Variants in C9orf153 observed in about 807,000 individuals in gnomAD.
The protein encoded by C9orf153 is chromosome 9 open reading frame 153, also known as uncharacterized protein C9orf153.
C9orf153 carries 10 observed loss-of-function variants against 9.0 expected under a neutral mutation model. The observed-to-expected ratio is 1.11, with a 90% CI of 0.69 to 1.89. The LOEUF (loss-of-function observed/expected upper bound fraction) is 1.89, where lower values mean the gene tolerates loss of function less well. Among genes scored for constraint, C9orf153 ranks in the 40% most tolerant of loss-of-function variants. The probability of loss-of-function intolerance (pLI) is 0.00; values close to 1 mark genes in which losing one functional copy is unlikely to be tolerated. For missense variants in C9orf153, 108 were observed against 111.0 expected, an observed-to-expected ratio of 0.97 and a Z score of 0.12; for synonymous variants, 35 against 37.3, an observed-to-expected ratio of 0.94 and a Z score of 0.23.
Position 86,221,475 on chromosome 9 carries a change from G to T in C9orf153, c.*213C>A, listed in dbSNP as rs536832404. The T allele has an allele frequency of 4.0e-6, 5 of 1,250,208 alleles. No individual in the cohort carries two copies. The African/African-American group carries it at 4.7e-5, about 12-fold the overall frequency. The allele number at this position is 1,250,208 out of a possible 1,614,324, so 77.4% of individuals were successfully genotyped here. The stretch of plus-strand genomic sequence containing the variant: ...AATGCTCTCAAAAGCAAAAATCTAC[G>T]TCCAAAATATTTTAATACACTACAT... On this transcript the variant is annotated 3_prime_UTR_variant, in exon 4 of 4. Transcript: ENST00000339137.
At chr9:86,231,356 C>A (rs1824463800) in intron 1 of C9orf153, among the ~76,000 whole-genome samples, 2 of 152,148 alleles carry the variant, frequency 1.3e-5, no homozygotes, top group South Asian at 4.1e-4. Context: ...CCAGTGAAAC[C>A]CTTATTGGTA....
At chr9:86,224,599 T>C (rs1824277150) in intron 3 of C9orf153, among the ~76,000 whole-genome samples, 1 of 152,008 alleles carries the variant, frequency 6.6e-6, no homozygotes, top group Admixed American at 6.6e-5. Context: ...TCGATCACTA[T>C]ATAACACTAT....
chr9:86,227,548 G>A (rs1315459730), intron 3 of C9orf153: 3 of 1,357,662 alleles, frequency 2.2e-6, no homozygotes, highest in South Asian at 2.5e-5. Flanking sequence ...AATTACCTGG[G>A]TCAACTAAGA....
chr9:86,240,851 G>C (rs1452225264), intron 1 of C9orf153, among the ~76,000 whole-genome samples: 1 of 150,872 alleles, frequency 6.6e-6, no homozygotes, highest in Non-Finnish European at 1.5e-5. Flanking sequence ...TAGGACTATA[G>C]ATGTGCACCG....
chr9:86,248,224 C>T (rs1824911010), intron 1 of C9orf153, among the ~76,000 whole-genome samples: 1 of 150,908 alleles, frequency 6.6e-6, no homozygotes, highest in Non-Finnish European at 1.5e-5. Context: ...ACCTCCACCT[C>T]TTGGGTTCAA....
At chr9:86,236,939 T>TAA (rs57214746) in intron 1 of C9orf153, among the ~76,000 whole-genome samples, 13 of 79,976 alleles carry the variant, frequency 1.6e-4, no homozygotes, top group African/African-American at 2.4e-4. Flanking sequence ...CGTCTCTAAA[T>TAA]AAAAAAAAAA....
At chr9:86,225,849 G>T (rs1824318966) in intron 3 of C9orf153, among the ~76,000 whole-genome samples, 1 of 152,178 alleles carries the variant, frequency 6.6e-6, no homozygotes, top group South Asian at 2.1e-4. Context: ...AGGAAATGAA[G>T]ATATGGAGGC....
At chr9:86,231,598 GATAT>G (rs148600227) in intron 1 of C9orf153, among the ~76,000 whole-genome samples, 2 of 140,898 alleles carry the variant, frequency 1.4e-5, no homozygotes, top group South Asian at 2.2e-4. Flanking sequence ...CACAAACATG[GATAT>G]ATATATATAT....
rs571126491 is a variant in C9orf153 at position 86,229,366 on chromosome 9, C to T, written c.66+172G>A. Among the ~76,000 whole-genome samples, 65 of 152,276 alleles carry T rather than the reference C, an allele frequency of 4.3e-4. No individual in the cohort carries two copies. Among genetic ancestry groups the T allele is most frequent in the African/African-American group, 1.5e-3 (63 of 41,554 alleles). On this transcript the variant is annotated intron_variant, in intron 2 of 3. Coordinates refer to ENST00000339137, the MANE Select transcript of C9orf153 (RefSeq NM_001276366.4). ...AGCTCAGCACTTCTGCCCACCTGCC[C>T]TGGGAAGAGCTACACTTCTCTGTGA...
At chr9:86,229,028 T>C in intron 2 of C9orf153, 1 of 213,386 alleles carries the variant, frequency 4.7e-6, no homozygotes, top group Non-Finnish European at 1.0e-5. Flanking sequence ...CTTTTAATAT[T>C]TTATAATAGT....
intron 1 of C9orf153, among the ~76,000 whole-genome samples, chr9:86,239,443 G>A (rs1174797075): frequency 6.6e-6 from 1 of 152,196 alleles, no homozygotes; most frequent in Non-Finnish European, 1.5e-5. Context: ...GAAAAAAAAA[G>A]AAATGGATGA....
At chr9:86,234,166 A>AT (rs1444087835) in intron 1 of C9orf153, among the ~76,000 whole-genome samples, 5 of 152,224 alleles carry the variant, frequency 3.3e-5, no homozygotes, top group South Asian at 4.1e-4. Flanking sequence ...AGCTGGGCTC[A>AT]TTTTTTTCTG....
At chr9:86,224,771 C>CAAAA in intron 3 of C9orf153, among the ~76,000 whole-genome samples, 1 of 113,410 alleles carries the variant, frequency 8.8e-6, no homozygotes, top group East Asian at 2.5e-4. Context: ...ACTAAAAATA[C>CAAAA]AAAAAAAAAA....
At position 86,244,247 on chromosome 9, in the gene C9orf153, A is replaced by T. The variant is rs79135371; in HGVS notation, c.-26-14618T>A. On this transcript the variant is annotated intron_variant, in intron 1 of 3. Coordinates refer to ENST00000339137, the MANE Select transcript of C9orf153 (RefSeq NM_001276366.4). ...CTTTCACCTTTTCTCTTTTAAAATAATTTTTTTTGTAGAGACAGGGTCTTG... is the reference window on the plus strand; with the variant it reads ...CTTTCACCTTTTCTCTTTTAAAATATTTTTTTTTGTAGAGACAGGGTCTTG... 1.5e-4 allele frequency among the ~76,000 whole-genome samples: 23 copies of T among 152,128 alleles called. No homozygotes were observed. The East Asian group carries it at 3.3e-3, about 22-fold the overall frequency.
chr9:86,223,628 AT>A (rs1432052243), intron 3 of C9orf153, among the ~76,000 whole-genome samples: 1 of 152,326 alleles, frequency 6.6e-6, no homozygotes. Context: ...AGGGGTGATG[AT>A]TGGACACAAT....
intron 1 of C9orf153, among the ~76,000 whole-genome samples, chr9:86,252,655 T>C (rs1345649019): frequency 6.6e-6 from 1 of 152,220 alleles, no homozygotes; most frequent in Non-Finnish European, 1.5e-5. Context: ...AAATAAGAAA[T>C]GGTGTTTAAC....
At chr9:86,235,617 T>G (rs1169604209) in intron 1 of C9orf153, among the ~76,000 whole-genome samples, 1 of 151,098 alleles carries the variant, frequency 6.6e-6, no homozygotes, top group Non-Finnish European at 1.5e-5. Flanking sequence ...TAGCCAGGCG[T>G]GGAGGCATGT....
chr9:86,256,807 A>G (rs577970404), intron 1 of C9orf153, among the ~76,000 whole-genome samples: 2 of 152,292 alleles, frequency 1.3e-5, no homozygotes, highest in East Asian at 1.9e-4. Context: ...ACCCTCACCC[A>G]TATCTTCATT....
At chr9:86,225,815 C>G (rs142625431) in intron 3 of C9orf153, among the ~76,000 whole-genome samples, 208 of 152,144 alleles carry the variant, frequency 1.4e-3, no homozygotes, top group African/African-American at 4.7e-3. Flanking sequence ...ATGACATGTA[C>G]CAGAAATTTA....
Sources: gnomAD v4.1 joint callset for allele counts (sites outside exome capture counted in the v4.1 genomes callset) on GRCh38, gnomAD v4.1.1 for gene constraint, MANE v1.5 for transcripts, NCBI Gene and HGNC (gene_info 2026-07-23, HGNC 2026-07-21) for gene names.